EYA4: variants seen among roughly 807,000 people sequenced by gnomAD.
The protein encoded by EYA4 is protein phosphatase EYA4.
A neutral mutation model predicts 87.9 loss-of-function variants in EYA4; 31 were observed. The observed-to-expected ratio is 0.35, with a 90% CI of 0.27 to 0.48. The LOEUF (loss-of-function observed/expected upper bound fraction) is 0.48, where lower values mean the gene tolerates loss of function less well. Among genes scored for constraint, EYA4 ranks in the 20% least tolerant of loss-of-function variants. The pLI, the probability that EYA4 is intolerant of heterozygous loss-of-function variation, is 0.99. For missense variants in EYA4, 678 were observed against 761.4 expected (o/e 0.89, Z 1.29); for synonymous variants, 263 against 270.6 (o/e 0.97, Z 0.28).
At chr6:133,353,020 G>T (rs1783753735) in intron 2 of EYA4, among the ~76,000 whole-genome samples, 1 of 152,048 alleles carries the variant, frequency 6.6e-6, no homozygotes, top group South Asian at 2.1e-4. Context: ...TATTATACTT[G>T]AAAACAAGCA....
chr6:133,293,591 G>A (rs1039881886), intron 2 of EYA4, among the ~76,000 whole-genome samples: 1 of 151,974 alleles, frequency 6.6e-6, no homozygotes, highest in Non-Finnish European at 1.5e-5. Flanking sequence ...CCTTCATCCT[G>A]GCCTGCACTG....
chr6:133,370,674 A>C (rs1785199042), intron 2 of EYA4, among the ~76,000 whole-genome samples: 1 of 152,246 alleles, frequency 6.6e-6, no homozygotes, highest in South Asian at 2.1e-4. Context: ...CTAATAGTAC[A>C]TGCTACTGCA....
intron 2 of EYA4, among the ~76,000 whole-genome samples, chr6:133,301,100 C>A (rs568813325): frequency 1.3e-5 from 2 of 152,062 alleles, no homozygotes; most frequent in Admixed American, 1.3e-4. Flanking sequence ...ATGTGAGTCA[C>A]GCTGATGAAC....
intron 1 of EYA4, among the ~76,000 whole-genome samples, chr6:133,259,407 C>T (rs1341863146): frequency 1.3e-5 from 2 of 152,198 alleles, no homozygotes; most frequent in Admixed American, 6.5e-5. Flanking sequence ...ATTCTTACAA[C>T]TTCAGCCCTT....
At chr6:133,331,955 C>T (rs114232586) in intron 2 of EYA4, among the ~76,000 whole-genome samples, 285 of 152,322 alleles carry the variant, frequency 1.9e-3, no homozygotes, top group African/African-American at 6.5e-3. Context: ...TTCCTGACCT[C>T]ACCCCAGATC....
At position 133,426,665 on chromosome 6, in the gene EYA4, A is replaced by G. The variant is rs988198006; in HGVS notation, c.84-19965A>G. ...ATCAGACTTTTTTCTATTGTATAAC[A>G]CAGTCTCCATTTCAGCTAACCCATT... On this transcript the variant is annotated intron_variant, in intron 3 of 19. Coordinates refer to ENST00000355286, the MANE Select transcript of EYA4 (RefSeq NM_004100.5). 1.3e-4 allele frequency among the ~76,000 whole-genome samples: 20 copies of G among 152,174 alleles called. 1 individual carries two copies. The highest frequency in any genetic ancestry group is 1.5e-5 in the Non-Finnish European group (1 of 68,026).
intron 3 of EYA4, among the ~76,000 whole-genome samples, chr6:133,409,318 C>A (rs1789003059): frequency 6.6e-6 from 1 of 151,962 alleles, no homozygotes; most frequent in Non-Finnish European, 1.5e-5. Context: ...AAAGAAATTG[C>A]AAAATATATA....
chr6:133,520,682 A>G (rs539826673), intron 17 of EYA4, among the ~76,000 whole-genome samples: 198 of 149,800 alleles, frequency 1.3e-3, no homozygotes, highest in African/African-American at 4.7e-3. Context: ...CGCCAAGTCA[A>G]TCCTAAGCCA....
chr6:133,481,371 G>T (rs1399997777), intron 11 of EYA4, 92 bp from the exon 12 acceptor site: 12 of 1,258,490 alleles, frequency 9.5e-6, no homozygotes, highest in South Asian at 7.2e-5. Context: ...GGTTTCTATT[G>T]TATAGGAATT....
chr6:133,390,383 G>A (rs753556424), intron 3 of EYA4, among the ~76,000 whole-genome samples: 6 of 151,920 alleles, frequency 3.9e-5, no homozygotes, highest in Admixed American at 6.6e-5. Flanking sequence ...CACCACACCC[G>A]CCTACTTTTT....
chr6:133,367,730 T>C (rs913258612), intron 2 of EYA4, among the ~76,000 whole-genome samples: 6 of 152,176 alleles, frequency 3.9e-5, no homozygotes, highest in Admixed American at 2.6e-4. Context: ...TGTACTGGTT[T>C]TTAAGAATAT....
chr6:133,503,806 C>A (rs1228952747), intron 13 of EYA4, among the ~76,000 whole-genome samples: 1 of 151,682 alleles, frequency 6.6e-6, no homozygotes, highest in Non-Finnish European at 1.5e-5. Context: ...GATTTTATTT[C>A]AACAAAAACA....
At chr6:133,431,791 A>C (rs1229446741) in intron 3 of EYA4, among the ~76,000 whole-genome samples, 1 of 152,162 alleles carries the variant, frequency 6.6e-6, no homozygotes, top group Non-Finnish European at 1.5e-5. Context: ...TGTTCCCCTT[A>C]AATGTTCATG....
chr6:133,526,988 A>G (rs891835642), intron 19 of EYA4, among the ~76,000 whole-genome samples: 3 of 152,204 alleles, frequency 2.0e-5, no homozygotes, highest in African/African-American at 7.2e-5. Context: ...AGCCGAGTCT[A>G]CCTGTTTTCC....
chr6:133,269,894 C>A (rs1776546452), intron 1 of EYA4, among the ~76,000 whole-genome samples: 1 of 152,148 alleles, frequency 6.6e-6, no homozygotes, highest in African/African-American at 2.4e-5. Flanking sequence ...TGTCTGCAAG[C>A]TGAGGAGCAA....
intron 2 of EYA4, among the ~76,000 whole-genome samples, chr6:133,314,972 G>A (rs1052089992): frequency 3.3e-5 from 5 of 152,118 alleles, no homozygotes; most frequent in Non-Finnish European, 7.3e-5. Context: ...TTGGGGTGGT[G>A]ACTGACTTTT....
intron 2 of EYA4, among the ~76,000 whole-genome samples, chr6:133,277,535 C>A (rs1039299435): frequency 6.6e-6 from 1 of 152,214 alleles, no homozygotes; most frequent in Non-Finnish European, 1.5e-5. Flanking sequence ...GCATATGCCT[C>A]ACTTAGAGTA....
intron 14 of EYA4, among the ~76,000 whole-genome samples, chr6:133,512,381 A>G (rs1405159564): frequency 6.6e-6 from 1 of 152,236 alleles, no homozygotes; most frequent in African/African-American, 2.4e-5. Flanking sequence ...AGTATGCACA[A>G]CAGAAATGGC....
chr6:133,321,606 T>C (rs1781097656), intron 2 of EYA4, among the ~76,000 whole-genome samples: 1 of 152,202 alleles, frequency 6.6e-6, no homozygotes, highest in Admixed American at 6.5e-5. Flanking sequence ...AATAATTTCA[T>C]GTGGAGAAAA....
Sources: allele counts gnomAD v4.1 joint callset (sites outside exome capture counted in the v4.1 genomes callset), GRCh38; gene constraint gnomAD v4.1.1; transcripts MANE v1.5; gene names NCBI Gene and HGNC (gene_info 2026-07-23, HGNC 2026-07-21).